The following AGBL3 variants were observed in gnomAD, a reference collection of about 807,000 sequenced individuals.
AGBL3 encodes the protein AGBL carboxypeptidase 3, also known as cytosolic carboxypeptidase 3.
AGBL3 carries 68 observed loss-of-function variants against 94.5 expected under a neutral mutation model. The observed-to-expected ratio is 0.72, with a 90% CI of 0.59 to 0.88. The LOEUF is 0.88. AGBL3 is among the 40% of genes least tolerant of loss of function. AGBL3 has a pLI of 0.00. For missense variants in AGBL3, 934 were observed against 1,103.8 expected, an observed-to-expected ratio of 0.85 and a Z score of 2.18; for synonymous variants, 354 against 370.7, an observed-to-expected ratio of 0.95 and a Z score of 0.52.
At chr7:135,032,043 T>C (rs994164955) in intron 5 of AGBL3, among the ~76,000 whole-genome samples, 6 of 152,186 alleles carry the variant, frequency 3.9e-5, no homozygotes, top group African/African-American at 1.4e-4. Flanking sequence ...AGCTGAAGAC[T>C]GTCATACTGT....
chr7:134,991,796 A>G (rs188990953), intron 3 of AGBL3, among the ~76,000 whole-genome samples: 1 of 151,756 alleles, frequency 6.6e-6, no homozygotes, highest in Admixed American at 6.5e-5. Flanking sequence ...TATAATAAAA[A>G]ATAACTCCAA....
At chr7:135,079,799 T>G (rs535228292) in intron 13 of AGBL3, among the ~76,000 whole-genome samples, 1 of 152,272 alleles carries the variant, frequency 6.6e-6, no homozygotes, top group South Asian at 2.1e-4. Flanking sequence ...TTTTGCAATC[T>G]GTTTATATAT....
intron 15 of AGBL3, among the ~76,000 whole-genome samples, chr7:135,082,030 C>T (rs2116859274): frequency 6.6e-6 from 1 of 152,294 alleles, no homozygotes; most frequent in East Asian, 1.9e-4. Context: ...TCTAGTTTCA[C>T]CTTCTGCCCA....
intron 5 of AGBL3, among the ~76,000 whole-genome samples, chr7:135,020,964 G>A (rs1814369148): frequency 1.3e-5 from 2 of 150,432 alleles, no homozygotes; most frequent in South Asian, 2.1e-4. Context: ...TGTAAATGAC[G>A]AGTTAATGGG....
In AGBL3 at chr7:135,128,633, G is replaced by A. The variant is rs1228760539; in HGVS notation, c.2343-6208G>A. 4.7e-5 allele frequency: 40 copies of A among 844,164 alleles called. 1 individual carries two copies. Among genetic ancestry groups the A allele is most frequent in the South Asian group, 9.7e-5 (7 of 72,464 alleles). The allele number at this position is 844,164 out of a possible 1,614,324, so 52.3% of individuals were successfully genotyped here. On this transcript the variant is annotated intron_variant, in intron 16 of 16. Coordinates refer to ENST00000436302, the MANE Select transcript of AGBL3 (RefSeq NM_178563.4). ...AAGAACACCCTGGCAGCGTGATCCC[G>A]TTTGCCTGGATGCAATTTCTTAAGG...
intron 4 of AGBL3, among the ~76,000 whole-genome samples, chr7:135,009,348 CATT>C (rs955632144): frequency 9.2e-5 from 14 of 152,212 alleles, no homozygotes; most frequent in African/African-American, 3.1e-4. Flanking sequence ...ACTTTGAAAA[CATT>C]ATGCTGAGTG....
chr7:134,988,640 T>A (rs190104009), intron 2 of AGBL3, among the ~76,000 whole-genome samples: 35 of 152,166 alleles, frequency 2.3e-4, no homozygotes, highest in African/African-American at 7.5e-4. Flanking sequence ...TTAATTTTTT[T>A]TTTTTTCTTG....
chr7:135,015,858 C>CAAAAAAAAAAAAAA (rs780785475), intron 4 of AGBL3, among the ~76,000 whole-genome samples: 1 of 77,116 alleles, frequency 1.3e-5, no homozygotes, highest in East Asian at 6.9e-4. Flanking sequence ...ACTAAAAATA[C>CAAAAAAAAAAAAAA]AAAAAAAAGA....
intron 5 of AGBL3, among the ~76,000 whole-genome samples, chr7:135,031,395 G>A (rs1310876873): frequency 1.3e-5 from 2 of 152,068 alleles, no homozygotes; most frequent in Non-Finnish European, 2.9e-5. Flanking sequence ...GAGTAGCTGG[G>A]ACTACAGGCA....
At chr7:135,009,718 A>C (rs1377824282) in intron 4 of AGBL3, among the ~76,000 whole-genome samples, 2 of 152,214 alleles carry the variant, frequency 1.3e-5, no homozygotes, top group African/African-American at 4.8e-5. Flanking sequence ...TCCCAGAGGA[A>C]AAGTCTGAAA....
At chr7:135,008,618 GAA>G (rs34573898) in intron 4 of AGBL3, among the ~76,000 whole-genome samples, 65,139 of 143,810 alleles carry the variant, frequency 0.45, 14,776 homozygotes, top group East Asian at 0.77. Flanking sequence ...AGCAACAACT[GAA>G]AAAAAAAAAA....
intron 15 of AGBL3, chr7:135,100,018 G>A (rs1182909144): frequency 6.6e-6 from 1 of 151,014 alleles, no homozygotes; most frequent in Non-Finnish European, 1.5e-5. Context: ...CTCCCGAGTA[G>A]CTGGAACTAC....
At chr7:135,121,230 A>T (rs1376421590) in intron 16 of AGBL3, among the ~76,000 whole-genome samples, 1 of 152,204 alleles carries the variant, frequency 6.6e-6, no homozygotes, top group Non-Finnish European at 1.5e-5. Context: ...AACAACACAG[A>T]ACTGCAAAAT....
At chr7:135,058,983 C>G (rs1189912860) in intron 11 of AGBL3, among the ~76,000 whole-genome samples, 186 bp from the exon 12 acceptor site, 1 of 152,174 alleles carries the variant, frequency 6.6e-6, no homozygotes, top group African/African-American at 2.4e-5. Flanking sequence ...TCTCAAACTC[C>G]TGACCTCAGG....
At chr7:135,067,460 C>T (rs1038137120) in intron 12 of AGBL3, among the ~76,000 whole-genome samples, 1 of 152,206 alleles carries the variant, frequency 6.6e-6, no homozygotes, top group East Asian at 1.9e-4. Context: ...GTCCCTGACC[C>T]CCGAGTAGCC....
rs147711186 is a variant in AGBL3 at position 135,079,739 on chromosome 7, A to G, written c.1981-464A>G. Reference sequence around the variant, plus strand: ...CGCCTTGGCCTCCCTAAGTACTGGGATTACAGATGTGTACCGTGCCCAGCC... The same window carrying G: ...CGCCTTGGCCTCCCTAAGTACTGGGGTTACAGATGTGTACCGTGCCCAGCC... On this transcript the variant is annotated intron_variant, in intron 13 of 16. Coordinates refer to ENST00000436302, the MANE Select transcript of AGBL3 (RefSeq NM_178563.4). Among the ~76,000 whole-genome samples, 70 of 151,774 alleles carry G rather than the reference A, an allele frequency of 4.6e-4. No homozygotes were observed. The East Asian group carries it at 0.013, about 28-fold the overall frequency.
chr7:135,096,195 T>C (rs1358328076), intron 15 of AGBL3, among the ~76,000 whole-genome samples: 13 of 152,016 alleles, frequency 8.6e-5, no homozygotes, highest in Admixed American at 1.3e-4. Flanking sequence ...GAGTTAACTG[T>C]TTTGCTTACA....
At chr7:135,001,602 T>C (rs1473358412) in intron 4 of AGBL3, among the ~76,000 whole-genome samples, 3 of 152,344 alleles carry the variant, frequency 2.0e-5, no homozygotes, top group Admixed American at 6.5e-5. Flanking sequence ...TTAAGACCTT[T>C]GATCCCATCA....
chr7:135,047,803 T>G (rs1817512382), intron 11 of AGBL3, among the ~76,000 whole-genome samples: 1 of 152,014 alleles, frequency 6.6e-6, no homozygotes, highest in Non-Finnish European at 1.5e-5. Flanking sequence ...TTGCACATTT[T>G]TTTTCCATTC....
Sources: gnomAD v4.1 joint callset for allele counts (sites outside exome capture counted in the v4.1 genomes callset) on GRCh38, gnomAD v4.1.1 for gene constraint, MANE v1.5 for transcripts, NCBI Gene and HGNC (gene_info 2026-07-23, HGNC 2026-07-21) for gene names.